Variants in DHX16 observed in about 807,000 individuals in gnomAD.
The protein encoded by DHX16 is DEAH-box helicase 16.
In DHX16, 81 loss-of-function variants were observed where a neutral mutation model predicts 131.2. The observed-to-expected ratio is 0.62, with a 90% CI of 0.52 to 0.74. The LOEUF is 0.74. DHX16 is among the 30% of genes least tolerant of loss of function. The pLI, the probability that DHX16 is intolerant of heterozygous loss-of-function variation, is 0.00. For missense variants in DHX16, 980 were observed against 1,363.1 expected (o/e 0.72, Z 4.43); for synonymous variants, 440 against 520.2 (o/e 0.85, Z 2.10).
rs953533577 is a variant in DHX16 at position 30,670,203 on chromosome 6, TC to T, written c.666+206del. Among the ~76,000 whole-genome samples the T allele has an allele frequency of 4.6e-5, 7 of 151,970 alleles. No homozygotes were observed. Among genetic ancestry groups the T allele is most frequent in the African/African-American group, 7.3e-5 (3 of 41,352 alleles). ...AAGGAGGACTTATGGGTAGCCTCCT[TC>T]CCCCTACAACTTAAGAAGGATCCTT... On this transcript the variant is annotated intron_variant, in intron 4 of 19. Transcript: ENST00000376442. The surrounding 1 kb of genome is among the most constrained non-coding windows in gnomAD (Gnocchi z 4.4).
At position 30,654,771 on chromosome 6, in the gene DHX16, CAA is replaced by C. The variant is rs1767804015; in HGVS notation, c.2930_2931del (p.Phe977Ter). On this transcript the variant is annotated frameshift_variant, in exon 19 of 20. Transcript: ENST00000376442. LOFTEE classifies it high-confidence loss of function. Reference sequence around the variant, plus strand: ...TAGAGCAGCCAGCGTGGCTGTTGCTCAAAGAGGGAGGAGTTGGGATGAATGAA... The same window carrying C: ...TAGAGCAGCCAGCGTGGCTGTTGCTCAGAGGGAGGAGTTGGGATGAATGAA... ...TVFIHPNSSL[F>X]EQQPRWLLYH... 6.2e-7 allele frequency: 1 copy of C among 1,612,848 alleles called. No individual in the cohort carries two copies. Among genetic ancestry groups the C allele is most frequent in the South Asian group, 1.1e-5 (1 of 91,086 alleles).
rs766395905 is a variant in DHX16 at position 30,655,424 on chromosome 6, A to C, written c.2661+11T>G. On this transcript the variant is annotated intron_variant, in intron 17 of 19. Transcript: ENST00000376442. ...AGTGTCTCTCATTCCCACTCACCCA[A>C]GCCCAGTGACCTGTGTGTAAACATT... The C allele has an allele frequency of 2.2e-5, 35 of 1,613,898 alleles. No individual in the cohort carries two copies. In the South Asian group the frequency reaches 3.7e-4, roughly 17 times the overall value.
intron 4 of DHX16, among the ~76,000 whole-genome samples, chr6:30,666,814 A>G (rs188837375): frequency 3.5e-4 from 53 of 152,206 alleles, no homozygotes; most frequent in African/African-American, 1.3e-3. Flanking sequence ...ATCTTTAAAA[A>G]AAAAGCCCCT....
In DHX16 at chr6:30,662,599, G is replaced by A. The variant is rs1282457927; in HGVS notation, c.1544+28C>T. The A allele has an allele frequency of 6.4e-7, 1 of 1,572,456 alleles. No homozygotes were observed. Among genetic ancestry groups the A allele is most frequent in the African/African-American group, 1.3e-5 (1 of 74,126 alleles). On this transcript the variant is annotated intron_variant, in intron 9 of 19. Transcript: ENST00000376442. The surrounding 1 kb of genome is among the most constrained non-coding windows in gnomAD (Gnocchi z 4.7). The stretch of plus-strand genomic sequence containing the variant: ...GCTGAATTGGCTGGGTGGGAAGAAG[G>A]GAGAGAAAGGCCAGAGATTAGAGAT...
Position 30,665,076 on chromosome 6 carries a change from C to A in DHX16, c.1120G>T (p.Asp374Tyr). 1 of 1,614,098 alleles carries A rather than the reference C, an allele frequency of 6.2e-7. No individual in the cohort carries two copies. Among genetic ancestry groups the A allele is most frequent in the African/African-American group, 1.3e-5 (1 of 75,026 alleles). Reference protein sequence around the residue: ...EFVRATQLQGDEEPSAPPTST... With the variant: ...EFVRATQLQGYEEPSAPPTST... ...TCTCCCAGCTCCCCTCTTACCTCAT[C>A]ACCCTGGAGCTGAGTGGCCCGGACA... The change falls in exon 6 of 20, where the codon GAT becomes TAT. Residue 374 changes from aspartate (D) to tyrosine (Y), a missense_variant. Asp to Tyr is a radical substitution (Grantham distance 160). Around this residue, in one of 3 missense-constraint regions of DHX16, gnomAD observed 457 missense variants for 554.8 expected, o/e 0.82. Transcript: ENST00000376442. This position sits in a 1 kb window ranked among gnomAD's most constrained non-coding sequence, Gnocchi z 4.8.
At chr6:30,666,157 G>C (rs552104202) in intron 4 of DHX16, among the ~76,000 whole-genome samples, 62 of 152,148 alleles carry the variant, frequency 4.1e-4, no homozygotes, top group Admixed American at 2.0e-3. Context: ...ACCAGTGAGG[G>C]GGCCAACAGG....
Position 30,655,604 on chromosome 6 carries a change from C to A in DHX16, c.2499-7G>T, listed in dbSNP as rs1029707149. 6.2e-7 allele frequency: 1 copy of A among 1,612,958 alleles called. No individual in the cohort carries two copies. Among genetic ancestry groups the A allele is most frequent in the East Asian group, 2.2e-5 (1 of 44,872 alleles). On this transcript the variant is annotated splice_region_variant and splice_polypyrimidine_tract_variant and intron_variant, in intron 16 of 19. Transcript: ENST00000376442. ...CTCCTCTGAACAGCTGTACCTGGGA[C>A]AGGAAGGGGAAAGCATGAGTTCAAA...
chr6:30,672,780 A>C lies in DHX16; in HGVS notation c.62T>G (p.Leu21Arg). Residue 21 changes from leucine to arginine, a missense_variant, in exon 1 of 20, where the codon CTG becomes CGG. By Grantham distance (102) the Leu-to-Arg change is moderately radical. Transcript: ENST00000376442. Reference protein sequence around the residue: ...VQDELHSVLGLSERHVAQFLI... With the variant: ...VQDELHSVLGRSERHVAQFLI... ...AAACTGGGCGACGTGCCGCTCGCTC[A>C]GCCCCAACACCGAGTGCAGCTCGTC... The C allele has an allele frequency of 6.2e-7, 1 of 1,613,068 alleles. No homozygotes were observed. The highest frequency in any genetic ancestry group is 8.5e-7 in the Non-Finnish European group (1 of 1,180,030).
At chr6:30,671,376 C>G in intron 1 of DHX16, 102 bp from the exon 2 acceptor site, 1 of 1,136,956 alleles carries the variant, frequency 8.8e-7, no homozygotes, top group Non-Finnish European at 1.3e-6. Flanking sequence ...TCTTTCCTGC[C>G]CCCGCGGCCC....
At chr6:30,661,676 T>G (rs1768530142) in intron 9 of DHX16, 1 of 702,154 alleles carries the variant, frequency 1.4e-6, no homozygotes, top group African/African-American at 1.8e-5. Flanking sequence ...CTTTGGCTTT[T>G]CTGGGTGGCA....
At position 30,656,975 on chromosome 6, in the gene DHX16, GCGATTC is replaced by G. The variant is rs1582931480; in HGVS notation, c.2119_2124del (p.Glu707_Ser708del). ...ACCTTGCTGCAGGGTGTGACAGTGA[GCGATTC>G]CATGCCTGTGCGGGGGTTGTAGCTC... On this transcript the variant is annotated inframe_deletion, in exon 13 of 20. Transcript: ENST00000376442. This position sits in a 1 kb window ranked among gnomAD's most constrained non-coding sequence, Gnocchi z 5.1. 3.1e-6 allele frequency: 5 copies of G among 1,612,930 alleles called. No homozygotes were observed. The highest frequency in any genetic ancestry group is 4.2e-6 in the Non-Finnish European group (5 of 1,179,952).
At chr6:30,666,148 C>A (rs1378412216) in intron 4 of DHX16, among the ~76,000 whole-genome samples, 5 of 152,108 alleles carry the variant, frequency 3.3e-5, no homozygotes, top group African/African-American at 1.2e-4. Flanking sequence ...AAGATAGAAA[C>A]CAGTGAGGGG....
intron 12 of DHX16, 43 bp downstream of exon 12, chr6:30,659,429 G>A: frequency 6.4e-7 from 1 of 1,553,288 alleles, no homozygotes; most frequent in Non-Finnish European, 8.7e-7. Context: ...ACTACTAGTT[G>A]TGGGAAGCAT....
Position 30,656,245 on chromosome 6 carries a change from C to T in DHX16, c.2451G>A (p.Glu817=), listed in dbSNP as rs1262193834. 2 of 1,613,556 alleles carry T rather than the reference C, an allele frequency of 1.2e-6. No individual in the cohort carries two copies. Among genetic ancestry groups the T allele is most frequent in the Non-Finnish European group, 1.7e-6 (2 of 1,180,010 alleles). The change falls in exon 16 of 20, where the codon GAG becomes GAA. Residue 817 remains glutamate (E), a synonymous_variant. Transcript: ENST00000376442. The surrounding 1 kb of genome is among the most constrained non-coding windows in gnomAD (Gnocchi z 5.1). ...TGGACAGCATGGGGTCCACCGGCAGCTCTGCCATCTTTCGACCAGACTAAG... is the reference window on the plus strand; with the variant it reads ...TGGACAGCATGGGGTCCACCGGCAGTTCTGCCATCTTTCGACCAGACTAAG... ...ELTTSGRKMA[E]LPVDPMLSKM...
rs781328061 is a variant in DHX16 at position 30,670,437 on chromosome 6, CTT to C, written c.637_638del (p.Lys213AspfsTer12). 2.5e-6 allele frequency: 4 copies of C among 1,611,510 alleles called. No homozygotes were observed. Among genetic ancestry groups the C allele is most frequent in the Admixed American group, 3.3e-5 (2 of 59,908 alleles). ...KAYEEAQKRL[K>X]MAEEDRKAMV... Reference sequence around the variant, plus strand: ...TGGCCTTCCGGTCTTCCTCGGCCATCTTGAGGCGCTTCTGAGCCTCTTCATAA... The same window carrying C: ...TGGCCTTCCGGTCTTCCTCGGCCATCGAGGCGCTTCTGAGCCTCTTCATAA... On this transcript the variant is annotated frameshift_variant, in exon 4 of 20. Transcript: ENST00000376442. LOFTEE classifies it high-confidence loss of function. This position sits in a 1 kb window ranked among gnomAD's most constrained non-coding sequence, Gnocchi z 4.4.
intron 4 of DHX16, among the ~76,000 whole-genome samples, chr6:30,669,744 T>TAAAAAAAAAAAAAAAAAAAAAAA (rs953317689): frequency 8.8e-6 from 1 of 113,820 alleles, no homozygotes; most frequent in African/African-American, 3.4e-5. Flanking sequence ...AAAAAAGGTT[T>TAAAAAAAAAAAAAAAAAAAAAAA]AAAAAAAAAA....
intron 12 of DHX16, among the ~76,000 whole-genome samples, chr6:30,658,311 G>C (rs1401489483): frequency 6.6e-6 from 1 of 152,172 alleles, no homozygotes; most frequent in Non-Finnish European, 1.5e-5. Flanking sequence ...GGGAGGCCAA[G>C]GTGGGCAGAT....
chr6:30,653,168 A>ATTTT lies in DHX16; in HGVS notation c.*70_*73dup, dbSNP rs1767613216. 6.6e-7 allele frequency: 1 copy of ATTTT among 1,505,850 alleles called. No individual in the cohort carries two copies. Among genetic ancestry groups the ATTTT allele is most frequent in the African/African-American group, 1.4e-5 (1 of 70,070 alleles). The allele number at this position is 1,505,850 out of a possible 1,614,324, so 93.3% of individuals were successfully genotyped here. ...TCCCACAAGCTTTATTCCAAAAATA[A>ATTTT]TTTTATTTAATAGGTATTAAATAAT... is the stretch of plus-strand genomic sequence containing the variant. On this transcript the variant is annotated 3_prime_UTR_variant, in exon 20 of 20. Coordinates refer to ENST00000376442, the MANE Select transcript of DHX16 (RefSeq NM_003587.5).
At chr6:30,663,487 C>T (rs893765624) in intron 7 of DHX16, among the ~76,000 whole-genome samples, 1 of 147,098 alleles carries the variant, frequency 6.8e-6, no homozygotes, top group East Asian at 2.0e-4. Flanking sequence ...TTTGGGAGGC[C>T]GAGGCAGACG....
Sources: allele counts gnomAD v4.1 joint callset (sites outside exome capture counted in the v4.1 genomes callset), GRCh38; gene constraint gnomAD v4.1.1; regional missense constraint gnomAD v4.1.1; non-coding constraint Gnocchi (gnomAD v3.1); transcripts MANE v1.5; gene names NCBI Gene and HGNC (gene_info 2026-07-23, HGNC 2026-07-21).